Variants in PLCXD3 observed in about 807,000 individuals in gnomAD.
PLCXD3 encodes phosphatidylinositol specific phospholipase C X domain containing 3.
Under a neutral mutation model 25.5 loss-of-function variants are expected in PLCXD3, and 19 were observed. That is an observed-to-expected ratio of 0.75 (90% confidence interval 0.52 to 1.09). The LOEUF is 1.09. PLCXD3 is among the 50% of genes least tolerant of loss of function. The pLI is 0.00. For synonymous variants in PLCXD3, 174 were observed against 137.6 expected, an observed-to-expected ratio of 1.26 and a Z score of -1.85; for missense variants, 411 against 388.1, an observed-to-expected ratio of 1.06 and a Z score of -0.50.
chr5:41,341,234 A>C (rs148563139), intron 2 of PLCXD3, among the ~76,000 whole-genome samples: 46 of 152,150 alleles, frequency 3.0e-4, no homozygotes, highest in Non-Finnish European at 5.9e-4. Context: ...TATGGAAGAG[A>C]GCACCATCAA....
intron 1 of PLCXD3, among the ~76,000 whole-genome samples, chr5:41,435,614 G>C (rs1242571248): frequency 6.6e-6 from 1 of 152,176 alleles, no homozygotes; most frequent in Admixed American, 6.5e-5. Flanking sequence ...TTCCTCATAG[G>C]TAAGAATGGG....
chr5:41,458,529 T>C lies in PLCXD3; in HGVS notation c.103+51895A>G, dbSNP rs143320595. ...AAAAAGTTAAATTATTTTCATTCAATAAATGTTCATTGAATTGTCACCCTG... is the reference window on the plus strand; with the variant it reads ...AAAAAGTTAAATTATTTTCATTCAACAAATGTTCATTGAATTGTCACCCTG... On this transcript the variant is annotated intron_variant, in intron 1 of 2. Coordinates refer to ENST00000377801, the MANE Select transcript of PLCXD3 (RefSeq NM_001005473.3). Among the ~76,000 whole-genome samples, 71 of 152,086 alleles carry C rather than the reference T, an allele frequency of 4.7e-4. 1 individual carries two copies. Among genetic ancestry groups the C allele is most frequent in the Middle Eastern group, 3.4e-3 (1 of 294 alleles).
chr5:41,445,673 G>C (rs1485146195), intron 1 of PLCXD3, among the ~76,000 whole-genome samples: 3 of 152,166 alleles, frequency 2.0e-5, no homozygotes, highest in African/African-American at 7.2e-5. Context: ...ATTTGAGAAA[G>C]AGGGAACAAG....
At chr5:41,497,767 T>C (rs1221438051) in intron 1 of PLCXD3, among the ~76,000 whole-genome samples, 1 of 151,818 alleles carries the variant, frequency 6.6e-6, no homozygotes, top group African/African-American at 2.4e-5. Context: ...CCAAGGTTGA[T>C]CACACGATAG....
intron 2 of PLCXD3, among the ~76,000 whole-genome samples, chr5:41,363,844 G>T (rs929752688): frequency 6.6e-6 from 1 of 152,202 alleles, no homozygotes; most frequent in African/African-American, 2.4e-5. Flanking sequence ...TGACTAATAT[G>T]CAGGTGTCAG....
chr5:41,433,449 A>C (rs1747164832), intron 1 of PLCXD3, among the ~76,000 whole-genome samples: 1 of 152,142 alleles, frequency 6.6e-6, no homozygotes, highest in African/African-American at 2.4e-5. Flanking sequence ...ACAGATGGAT[A>C]TTGGCTCCCC....
At chr5:41,502,340 G>A (rs1374764441) in intron 1 of PLCXD3, among the ~76,000 whole-genome samples, 1 of 152,006 alleles carries the variant, frequency 6.6e-6, no homozygotes, top group Non-Finnish European at 1.5e-5. Context: ...GTTTAGGTGA[G>A]GTGGGAAAGA....
At chr5:41,347,728 G>A (rs575147242) in intron 2 of PLCXD3, among the ~76,000 whole-genome samples, 2 of 152,186 alleles carry the variant, frequency 1.3e-5, no homozygotes, top group South Asian at 4.2e-4. Flanking sequence ...AGTTATAATT[G>A]TCTCAGTCTT....
intron 2 of PLCXD3, among the ~76,000 whole-genome samples, chr5:41,330,966 A>G (rs1743784673): frequency 6.6e-6 from 1 of 152,200 alleles, no homozygotes; most frequent in Admixed American, 6.5e-5. Flanking sequence ...AGAGCTATCT[A>G]TGACAAAGCC....
intron 1 of PLCXD3, among the ~76,000 whole-genome samples, chr5:41,411,855 T>C (rs1015450327): frequency 2.1e-5 from 3 of 145,388 alleles, no homozygotes; most frequent in African/African-American, 7.6e-5. Flanking sequence ...TCCATATATA[T>C]GTATCCATAT....
intron 1 of PLCXD3, among the ~76,000 whole-genome samples, chr5:41,395,152 C>G (rs1292430516): frequency 1.3e-5 from 2 of 152,000 alleles, no homozygotes; most frequent in Non-Finnish European, 2.9e-5. Context: ...GAATAAAACT[C>G]AATTTTAACA....
Position 41,382,095 on chromosome 5 carries a change from T to A in PLCXD3, c.543A>T (p.Leu181Phe). Residue 181 changes from leucine (L) to phenylalanine (F), a missense_variant, in exon 2 of 3, where the codon TTA becomes TTT. Coordinates refer to ENST00000377801, the MANE Select transcript of PLCXD3 (RefSeq NM_001005473.3). ...GATAGTCCTTCTCCCACAGGTACTT[T>A]AAACTAACTTCCTGGGCAAAAATCG... ...CPAIFAQEVSLKYLWEKDYQV... is the reference protein window; with the variant it reads ...CPAIFAQEVSFKYLWEKDYQV... 1 of 1,613,714 alleles carries A rather than the reference T, an allele frequency of 6.2e-7. No individual in the cohort carries two copies.
chr5:41,397,212 T>C (rs941138621), intron 1 of PLCXD3, among the ~76,000 whole-genome samples: 2 of 152,110 alleles, frequency 1.3e-5, no homozygotes, highest in African/African-American at 4.8e-5. Context: ...TGGAGGCCTG[T>C]GAGGGAAGCA....
At chr5:41,442,307 A>G (rs780814796) in intron 1 of PLCXD3, among the ~76,000 whole-genome samples, 2 of 152,238 alleles carry the variant, frequency 1.3e-5, no homozygotes, top group Admixed American at 6.5e-5. Context: ...ATATTCCACA[A>G]TCTTCCAAAT....
chr5:41,496,892 T>C (rs1300729725), intron 1 of PLCXD3, among the ~76,000 whole-genome samples: 1 of 151,576 alleles, frequency 6.6e-6, no homozygotes, highest in Non-Finnish European at 1.5e-5. Flanking sequence ...GAAAAATATA[T>C]TAAAGGATAG....
intron 1 of PLCXD3, among the ~76,000 whole-genome samples, chr5:41,420,632 G>T (rs902663933): frequency 6.6e-6 from 1 of 152,182 alleles, no homozygotes; most frequent in Non-Finnish European, 1.5e-5. Context: ...ATGCTTAGCA[G>T]TCTTAATTTC....
chr5:41,374,179 G>A (rs1471235137), intron 2 of PLCXD3, among the ~76,000 whole-genome samples: 1 of 152,126 alleles, frequency 6.6e-6, no homozygotes, highest in Non-Finnish European at 1.5e-5. Context: ...TTGTTTGTGA[G>A]TATGAGCAGT....
chr5:41,499,229 A>T lies in PLCXD3; in HGVS notation c.103+11195T>A, dbSNP rs576909824. On this transcript the variant is annotated intron_variant, in intron 1 of 2. Transcript: ENST00000377801. Reference sequence around the variant, plus strand: ...AAGTAGCAAAATTATCTCTGTAGATAACATTTTATATGTAAAAAACTAGAT... The same window carrying T: ...AAGTAGCAAAATTATCTCTGTAGATTACATTTTATATGTAAAAAACTAGAT... Among the ~76,000 whole-genome samples the T allele has an allele frequency of 2.6e-4, 39 of 151,782 alleles. 1 individual carries two copies. The highest frequency in any genetic ancestry group is 2.5e-3 in the South Asian group (12 of 4,830).
Position 41,321,100 on chromosome 5 carries a change from C to T in PLCXD3, c.813-7330G>A, listed in dbSNP as rs147866297. On this transcript the variant is annotated intron_variant, in intron 2 of 2. Coordinates refer to ENST00000377801, the MANE Select transcript of PLCXD3 (RefSeq NM_001005473.3). ...AATAGTACTGGAATTTCTAGCTAGA[C>T]CAATCAGACCAGAGAAAGACACAAA... Among the ~76,000 whole-genome samples, 189 of 152,172 alleles carry T rather than the reference C, an allele frequency of 1.2e-3. 1 individual carries two copies. The highest frequency in any genetic ancestry group is 4.5e-3 in the African/African-American group (186 of 41,516).
Sources: allele counts gnomAD v4.1 joint callset (sites outside exome capture counted in the v4.1 genomes callset), GRCh38; gene constraint gnomAD v4.1.1; transcripts MANE v1.5; gene names NCBI Gene and HGNC (gene_info 2026-07-23, HGNC 2026-07-21).